Variants in C1QTNF3 observed in about 807,000 individuals in gnomAD.
C1QTNF3 encodes complement C1q tumor necrosis factor-related protein 3.
A neutral mutation model predicts 32.6 loss-of-function variants in C1QTNF3; 26 were observed. The observed-to-expected ratio is 0.80, with a 90% CI of 0.58 to 1.11. The LOEUF (loss-of-function observed/expected upper bound fraction) is 1.11. C1QTNF3 is among the 50% of genes least tolerant of loss of function. The pLI is 0.00. For synonymous variants in C1QTNF3, 155 were observed against 146.0 expected (o/e 1.06, Z -0.44); for missense variants, 362 against 398.2 (o/e 0.91, Z 0.77).
the C1QTNF3 span, among the ~76,000 whole-genome samples, chr5:34,129,115 C>T: frequency 6.6e-6 from 1 of 151,958 alleles, no homozygotes; most frequent in Non-Finnish European, 1.5e-5. Flanking sequence ...GGCACTTCCC[C>T]CTTCACACTC....
the C1QTNF3 span, among the ~76,000 whole-genome samples, chr5:34,087,704 A>G: frequency 6.7e-6 from 1 of 150,040 alleles, no homozygotes; most frequent in Non-Finnish European, 1.5e-5. Flanking sequence ...CTCCTGAGGT[A>G]GCTGGGAATA....
the C1QTNF3 span, among the ~76,000 whole-genome samples, chr5:34,108,196 T>A: frequency 6.6e-6 from 1 of 152,074 alleles, no homozygotes; most frequent in African/African-American, 2.4e-5. Flanking sequence ...TTATATCATA[T>A]CACTTCTTCA....
the C1QTNF3 span, among the ~76,000 whole-genome samples, chr5:34,055,204 T>C: frequency 1.3e-5 from 2 of 152,256 alleles, no homozygotes; most frequent in Non-Finnish European, 2.9e-5. Flanking sequence ...ACTGACCATT[T>C]GTTCTTTGTC....
At chr5:34,060,049 C>G in the C1QTNF3 span, among the ~76,000 whole-genome samples, 1 of 152,158 alleles carries the variant, frequency 6.6e-6, no homozygotes, top group Non-Finnish European at 1.5e-5. Flanking sequence ...TAAATTATAG[C>G]CTTCTAAAGA....
At chr5:34,114,589 A>G in the C1QTNF3 span, among the ~76,000 whole-genome samples, 2 of 152,090 alleles carry the variant, frequency 1.3e-5, no homozygotes, top group Non-Finnish European at 2.9e-5. Context: ...ATGAACTCAC[A>G]TTCTATCTTA....
chr5:34,125,106 A>C, the C1QTNF3 span, among the ~76,000 whole-genome samples: 1 of 152,190 alleles, frequency 6.6e-6, no homozygotes, highest in Admixed American at 6.5e-5. Context: ...AAGCCACAAA[A>C]GGTGGAATTC....
chr5:34,210,106 ATAAAT>A, the C1QTNF3 span, among the ~76,000 whole-genome samples: 10 of 152,068 alleles, frequency 6.6e-5, no homozygotes, highest in African/African-American at 2.2e-4. Flanking sequence ...TTTTTATAAA[ATAAAT>A]TAAATTTATA....
At chr5:34,095,674 A>C in the C1QTNF3 span, among the ~76,000 whole-genome samples, 1 of 151,668 alleles carries the variant, frequency 6.6e-6, no homozygotes, top group South Asian at 2.1e-4. Flanking sequence ...CATAATCGAT[A>C]CTTCTTGAAT....
chr5:34,122,658 C>G, the C1QTNF3 span, among the ~76,000 whole-genome samples: 1 of 152,160 alleles, frequency 6.6e-6, no homozygotes, highest in South Asian at 2.1e-4. Flanking sequence ...TTCAGCCTAT[C>G]TACATTGGAA....
chr5:34,113,692 T>G, the C1QTNF3 span, among the ~76,000 whole-genome samples: 1 of 152,294 alleles, frequency 6.6e-6, no homozygotes, highest in South Asian at 2.1e-4. Flanking sequence ...ATATGTATTT[T>G]AAAACATATA....
chr5:34,169,987 T>C, the C1QTNF3 span, among the ~76,000 whole-genome samples: 9 of 152,264 alleles, frequency 5.9e-5, no homozygotes, highest in South Asian at 1.9e-3. Flanking sequence ...CACTCTCACA[T>C]TTATAGCATC....
chr5:34,153,980 A>T, the C1QTNF3 span, among the ~76,000 whole-genome samples: 1 of 151,908 alleles, frequency 6.6e-6, no homozygotes, highest in African/African-American at 2.4e-5. Context: ...ATAATTAGAT[A>T]GTATAGATTA....
chr5:34,058,068 A>G, the C1QTNF3 span, among the ~76,000 whole-genome samples: 25 of 152,336 alleles, frequency 1.6e-4, no homozygotes, highest in South Asian at 5.2e-3. Flanking sequence ...CATCTGCACA[A>G]GCACGTATCT....
At chr5:34,113,954 T>C in the C1QTNF3 span, among the ~76,000 whole-genome samples, 38 of 152,232 alleles carry the variant, frequency 2.5e-4, no homozygotes, top group African/African-American at 8.4e-4. Flanking sequence ...ATATCCATCA[T>C]AGACACATTC....
At chr5:34,074,994 G>T in the C1QTNF3 span, among the ~76,000 whole-genome samples, 3 of 151,632 alleles carry the variant, frequency 2.0e-5, no homozygotes, top group East Asian at 5.8e-4. Flanking sequence ...TTGTTTGTCT[G>T]CATTCAATTT....
At chr5:34,244,042 A>T in the C1QTNF3 span, among the ~76,000 whole-genome samples, 1 of 152,232 alleles carries the variant, frequency 6.6e-6, no homozygotes, top group African/African-American at 2.4e-5. Flanking sequence ...GGGGATGCAC[A>T]ATGTCTACAG....
chr5:34,082,411 C>G, the C1QTNF3 span, among the ~76,000 whole-genome samples: 1 of 151,370 alleles, frequency 6.6e-6, no homozygotes, highest in Non-Finnish European at 1.5e-5. Flanking sequence ...GAGAAGCCTC[C>G]CATACTGTGA....
chr5:34,127,237 G>C, the C1QTNF3 span, among the ~76,000 whole-genome samples: 4 of 152,090 alleles, frequency 2.6e-5, no homozygotes, highest in Admixed American at 2.6e-4. Flanking sequence ...TTGGAACTGG[G>C]TAACGGGCAG....
At chr5:34,061,168 A>C in the C1QTNF3 span, among the ~76,000 whole-genome samples, 3 of 152,190 alleles carry the variant, frequency 2.0e-5, no homozygotes, top group African/African-American at 4.8e-5. Flanking sequence ...TAAAGCTCCA[A>C]AATGCTCTCT....
Sources: gnomAD v4.1 joint callset for allele counts (sites outside exome capture counted in the v4.1 genomes callset) on GRCh38, gnomAD v4.1.1 for gene constraint, MANE v1.5 for transcripts, NCBI Gene and HGNC (gene_info 2026-07-23, HGNC 2026-07-21) for gene names.